The following FANCB variants were observed in gnomAD, a reference collection of about 807,000 sequenced individuals.
FANCB encodes FA complementation group B.
Under a neutral mutation model 38.9 loss-of-function variants are expected in FANCB, and 5 were observed. That is an observed-to-expected ratio of 0.13 (90% CI 0.07 to 0.27). The LOEUF is 0.27. FANCB is among the 10% of genes least tolerant of loss of function. FANCB has a pLI of 1.00. For synonymous variants in FANCB, 236 were observed against 215.4 expected (o/e 1.10, Z -0.84); for missense variants, 573 against 602.7 (o/e 0.95, Z 0.52).
At chrX:14,756,892 T>C in the FANCB span, among the ~76,000 whole-genome samples, 1 of 111,976 alleles carries the variant, frequency 8.9e-6, no homozygotes, top group Non-Finnish European at 1.9e-5. Flanking sequence ...TGGTCTCAAG[T>C]AGTAGCTGTG....
At chrX:14,713,642 T>C in the FANCB span, among the ~76,000 whole-genome samples, 9 of 111,850 alleles carry the variant, frequency 8.0e-5, no homozygotes, top group African/African-American at 2.6e-4. Flanking sequence ...GAAAAATATA[T>C]TTCACTATAG....
At chrX:14,785,694 T>C in the FANCB span, among the ~76,000 whole-genome samples, 1 of 111,918 alleles carries the variant, frequency 8.9e-6, no homozygotes, top group Non-Finnish European at 1.9e-5. Flanking sequence ...ATAGTCCCCC[T>C]TTCTCTTGGG....
the FANCB span, among the ~76,000 whole-genome samples, chrX:14,752,171 T>C: frequency 8.9e-6 from 1 of 111,793 alleles, no homozygotes; most frequent in African/African-American, 3.3e-5. Context: ...CCAATAAGAC[T>C]TTCAATATCA....
chrX:14,708,354 C>T, the FANCB span, among the ~76,000 whole-genome samples: 1 of 111,672 alleles, frequency 9.0e-6, no homozygotes. Flanking sequence ...AGGCTTAAAC[C>T]TTCTCACATA....
At chrX:14,730,653 T>C in the FANCB span, 2 of 435,941 alleles carry the variant, frequency 4.6e-6, no homozygotes, top group Non-Finnish European at 4.0e-6. Context: ...ACAAGTTATA[T>C]GGGTGATGAA....
At chrX:14,782,291 C>T in the FANCB span, among the ~76,000 whole-genome samples, 1 of 112,080 alleles carries the variant, frequency 8.9e-6, no homozygotes, top group East Asian at 2.8e-4. Context: ...GGAGCTAGCA[C>T]AAAAACCCAA....
the FANCB span, among the ~76,000 whole-genome samples, chrX:14,787,876 A>AATATATATATATATAT: frequency 7.2e-5 from 3 of 41,680 alleles, no homozygotes; most frequent in African/African-American, 1.2e-4. Flanking sequence ...TTAAAAATAG[A>AATATATATATATATAT]ATATATATAT....
chrX:14,716,189 G>T, the FANCB span, among the ~76,000 whole-genome samples: 3 of 111,245 alleles, frequency 2.7e-5, no homozygotes, highest in Non-Finnish European at 5.7e-5. Flanking sequence ...ACCAGCTAGA[G>T]ATTAGTCTCA....
At chrX:14,845,922 A>G (rs1032666454) in intron 7 of FANCB, among the ~76,000 whole-genome samples, 2 of 112,010 alleles carry the variant, frequency 1.8e-5, no homozygotes, top group Admixed American at 1.9e-4. Flanking sequence ...AAAACAGGTA[A>G]GAATGGTGAC....
intron 3 of FANCB, among the ~76,000 whole-genome samples, chrX:14,863,973 A>T (rs2086839342): frequency 9.0e-6 from 1 of 110,947 alleles, no homozygotes; most frequent in South Asian, 3.8e-4. Flanking sequence ...CATCTCTACT[A>T]AAAATATAAA....
At chrX:14,763,207 G>A in the FANCB span, among the ~76,000 whole-genome samples, 1 of 111,654 alleles carries the variant, frequency 9.0e-6, no homozygotes, top group Non-Finnish European at 1.9e-5. Context: ...ATATGCTGTT[G>A]TTCACCAAAG....
chrX:14,869,996 T>C (rs1486254019), intron 1 of FANCB, among the ~76,000 whole-genome samples: 3 of 112,461 alleles, frequency 2.7e-5, no homozygotes, highest in Non-Finnish European at 5.6e-5. Flanking sequence ...TATTTTATAC[T>C]GATGCAACAT....
chrX:14,850,769 CT>C, intron 6 of FANCB, 95 bp from the exon 7 acceptor site: 1 of 496,463 alleles, frequency 2.0e-6, no homozygotes, highest in Non-Finnish European at 3.4e-6. Flanking sequence ...TTGGCTAGGG[CT>C]TATGGCCCAA....
chrX:14,850,345 G>C (rs2092395548), intron 7 of FANCB, among the ~76,000 whole-genome samples, 160 bp downstream of exon 7: 1 of 110,281 alleles, frequency 9.1e-6, no homozygotes, highest in African/African-American at 3.4e-5. Flanking sequence ...GTGAGACTCT[G>C]TCTCAAAAAA....
chrX:14,791,152 A>C, the FANCB span, among the ~76,000 whole-genome samples: 1 of 111,744 alleles, frequency 8.9e-6, no homozygotes, highest in Non-Finnish European at 1.9e-5. Flanking sequence ...ATGTCTCCTC[A>C]AACTTCAAAT....
At chrX:14,813,816 A>G in the FANCB span, among the ~76,000 whole-genome samples, 2 of 111,902 alleles carry the variant, frequency 1.8e-5, no homozygotes, top group East Asian at 5.6e-4. Flanking sequence ...ACAGAATTGG[A>G]AAAAACTACT....
chrX:14,746,098 T>A, the FANCB span, among the ~76,000 whole-genome samples: 82 of 112,119 alleles, frequency 7.3e-4, no homozygotes, highest in African/African-American at 2.6e-3. Flanking sequence ...TGAAGATGTG[T>A]CTGAGAACTT....
At chrX:14,855,069 T>C (rs1008007538) in intron 5 of FANCB, among the ~76,000 whole-genome samples, 3 of 111,684 alleles carry the variant, frequency 2.7e-5, no homozygotes, top group Non-Finnish European at 5.6e-5. Flanking sequence ...CTACCCACGA[T>C]TTACTTCTCC....
the FANCB span, among the ~76,000 whole-genome samples, chrX:14,745,494 C>T: frequency 1.8e-5 from 2 of 109,800 alleles, no homozygotes; most frequent in African/African-American, 6.6e-5. Context: ...CTGGAGCCAC[C>T]TCAATCTAAT....
Sources: allele counts gnomAD v4.1 joint callset (sites outside exome capture counted in the v4.1 genomes callset), GRCh38; gene constraint gnomAD v4.1.1; transcripts MANE v1.5; gene names NCBI Gene and HGNC (gene_info 2026-07-23, HGNC 2026-07-21).